Variants in SEPTIN7 observed in about 807,000 individuals in gnomAD.
SEPTIN7 encodes septin-7.
Under a neutral mutation model 63.3 loss-of-function variants are expected in SEPTIN7, and 10 were observed. The observed-to-expected ratio is 0.16, with a 90% CI of 0.10 to 0.27. SEPTIN7 has a LOEUF of 0.27. SEPTIN7 is among the 10% of genes least tolerant of loss of function. SEPTIN7 has a pLI of 1.00. For synonymous variants in SEPTIN7, 131 were observed against 165.3 expected (o/e 0.79, Z 1.59); for missense variants, 310 against 521.0 (o/e 0.59, Z 3.94).
At chr7:35,825,974 A>G (rs1783491861) in intron 1 of SEPTIN7, among the ~76,000 whole-genome samples, 2 of 152,140 alleles carry the variant, frequency 1.3e-5, no homozygotes, top group South Asian at 2.1e-4. Flanking sequence ...GGGGCATGCT[A>G]AATAGGTTAT....
At chr7:35,826,091 C>A (rs1181298676) in intron 1 of SEPTIN7, among the ~76,000 whole-genome samples, 1 of 151,910 alleles carries the variant, frequency 6.6e-6, no homozygotes, top group Admixed American at 6.6e-5. Context: ...AATCTAGAAT[C>A]TAGGCATTTT....
chr7:35,805,810 C>G (rs1160120452), intron 1 of SEPTIN7, among the ~76,000 whole-genome samples: 4 of 152,096 alleles, frequency 2.6e-5, no homozygotes, highest in Admixed American at 2.0e-4. Flanking sequence ...TCCTCCTTCC[C>G]CACTGATCTG....
intron 1 of SEPTIN7, among the ~76,000 whole-genome samples, chr7:35,802,583 T>G (rs763169028): frequency 6.6e-6 from 1 of 152,242 alleles, no homozygotes; most frequent in African/African-American, 2.4e-5. Context: ...TTTTACATAT[T>G]TATGCACATG....
intron 10 of SEPTIN7, among the ~76,000 whole-genome samples, chr7:35,890,038 C>T (rs1196265829): frequency 6.6e-6 from 1 of 152,148 alleles, no homozygotes; most frequent in South Asian, 2.1e-4. Flanking sequence ...CTAAGGATAT[C>T]TTCAGTGTCT....
intron 3 of SEPTIN7, among the ~76,000 whole-genome samples, chr7:35,849,356 G>A (rs1271447943): frequency 6.6e-6 from 1 of 152,092 alleles, no homozygotes; most frequent in African/African-American, 2.4e-5. Flanking sequence ...TGATCATCAG[G>A]CATTATATTC....
At chr7:35,883,820 G>A in intron 8 of SEPTIN7, 71 bp from the exon 9 acceptor site, 1 of 829,548 alleles carries the variant, frequency 1.2e-6, no homozygotes, top group Non-Finnish European at 1.8e-6. Context: ...GTTGAGTAAT[G>A]TAACTTTTTT....
At chr7:35,864,701 TTTTG>T (rs1444486507) in intron 4 of SEPTIN7, among the ~76,000 whole-genome samples, 1 of 152,196 alleles carries the variant, frequency 6.6e-6, no homozygotes, top group African/African-American at 2.4e-5. Flanking sequence ...GATATGGTAT[TTTTG>T]TTTGTCAGCA....
intron 3 of SEPTIN7, among the ~76,000 whole-genome samples, chr7:35,852,014 G>A (rs943297368): frequency 1.2e-4 from 18 of 152,028 alleles, no homozygotes; most frequent in African/African-American, 4.3e-4. Flanking sequence ...CCTTCTTAAG[G>A]CTGTCTACTT....
At chr7:35,818,656 T>G (rs1203346145) in intron 1 of SEPTIN7, among the ~76,000 whole-genome samples, 1 of 152,036 alleles carries the variant, frequency 6.6e-6, no homozygotes, top group Non-Finnish European at 1.5e-5. Flanking sequence ...TAATCTATTA[T>G]AGGTCTATTC....
chr7:35,852,970 T>G (rs2116070342), intron 3 of SEPTIN7, among the ~76,000 whole-genome samples: 1 of 152,302 alleles, frequency 6.6e-6, no homozygotes, highest in Middle Eastern at 3.4e-3. Context: ...AGGTTATGAT[T>G]TAGTTTCAGG....
chr7:35,807,351 ATTTTTTTTTTTT>A (rs70974769), intron 1 of SEPTIN7, among the ~76,000 whole-genome samples: 9 of 22,228 alleles, frequency 4.0e-4, no homozygotes, highest in South Asian at 2.5e-3. Context: ...GCCCGGCTGA[ATTTTTTTTTTTT>A]TTTTTTTTTT....
At chr7:35,856,182 A>G (rs1231842942) in intron 3 of SEPTIN7, among the ~76,000 whole-genome samples, 2 of 152,254 alleles carry the variant, frequency 1.3e-5, no homozygotes, top group Non-Finnish European at 2.9e-5. Flanking sequence ...AAAACAGAAA[A>G]TGCAAGTATC....
intron 9 of SEPTIN7, 36 bp from the exon 10 acceptor site, chr7:35,885,792 G>C (rs1385511136): frequency 2.0e-6 from 3 of 1,527,514 alleles, no homozygotes; most frequent in Non-Finnish European, 2.7e-6. Flanking sequence ...AGGTTTAGTG[G>C]AAATATAACA....
chr7:35,890,921 C>CATAACAAT, intron 11 of SEPTIN7, 128 bp downstream of exon 11: 1 of 735,130 alleles, frequency 1.4e-6, no homozygotes, highest in Non-Finnish European at 1.9e-6. Flanking sequence ...TGCACAGCAG[C>CATAACAAT]ATAAATTTAT....
At chr7:35,834,551 A>G (rs1783987696) in intron 3 of SEPTIN7, among the ~76,000 whole-genome samples, 1 of 152,080 alleles carries the variant, frequency 6.6e-6, no homozygotes, top group South Asian at 2.1e-4. Flanking sequence ...CCAAAGAAAA[A>G]TAGGTGTTAA....
intron 11 of SEPTIN7, among the ~76,000 whole-genome samples, chr7:35,892,306 C>G (rs559162995): frequency 6.6e-6 from 1 of 152,128 alleles, no homozygotes; most frequent in East Asian, 1.9e-4. Context: ...TTGAGGTAAG[C>G]CTCAATATGT....
At chr7:35,802,677 A>C (rs1362913247) in intron 1 of SEPTIN7, among the ~76,000 whole-genome samples, 1 of 152,214 alleles carries the variant, frequency 6.6e-6, no homozygotes, top group Non-Finnish European at 1.5e-5. Flanking sequence ...AAAAGTGTAC[A>C]GGTAGGGATG....
At chr7:35,807,425 G>A (rs1323939001) in intron 1 of SEPTIN7, among the ~76,000 whole-genome samples, 2 of 139,590 alleles carry the variant, frequency 1.4e-5, no homozygotes, top group Non-Finnish European at 3.0e-5. Flanking sequence ...GCAGTGGCGC[G>A]ATCTCGGCTC....
In SEPTIN7 at chr7:35,840,607, A is replaced by T. The variant is rs571905605; in HGVS notation, c.169+7707A>T. Among the ~76,000 whole-genome samples, 22 of 152,112 alleles carry T rather than the reference A, an allele frequency of 1.4e-4. No homozygotes were observed. The South Asian group carries it at 4.6e-3, about 32-fold the overall frequency. On this transcript the variant is annotated intron_variant, in intron 3 of 13. Transcript: ENST00000350320. ...AAATTGTTTTTTAAAAGTTTATGCT[A>T]CTAAAGATTATATATTAAGAAAAAA...
Sources: gnomAD v4.1 joint callset for allele counts (sites outside exome capture counted in the v4.1 genomes callset) on GRCh38, gnomAD v4.1.1 for gene constraint, MANE v1.5 for transcripts, NCBI Gene and HGNC (gene_info 2026-07-23, HGNC 2026-07-21) for gene names.